The following IRAG2 variants were observed in gnomAD, a reference collection of about 807,000 sequenced individuals.
IRAG2 encodes inositol 1,4,5-triphosphate receptor associated 2.
In IRAG2, 45 loss-of-function variants were observed where a neutral mutation model predicts 69.9. The observed-to-expected ratio is 0.64, with a 90% CI of 0.51 to 0.83. IRAG2 has a LOEUF of 0.83. Ranked by LOEUF, IRAG2 falls within the 40% of genes least tolerant of loss-of-function variation. IRAG2 has a pLI of 0.00. For missense variants in IRAG2, 520 were observed against 587.0 expected (o/e 0.89, Z 1.18); for synonymous variants, 193 against 202.4 (o/e 0.95, Z 0.40).
At chr12:25,087,332 T>A (rs1374162320) in intron 10 of IRAG2, among the ~76,000 whole-genome samples, 1 of 151,822 alleles carries the variant, frequency 6.6e-6, no homozygotes, top group East Asian at 1.9e-4. Flanking sequence ...CACCCCTGGC[T>A]AATTTTTGTA....
intron 6 of IRAG2, among the ~76,000 whole-genome samples, chr12:25,019,594 G>T (rs1261110081): frequency 2.0e-5 from 3 of 152,152 alleles, no homozygotes; most frequent in African/African-American, 7.2e-5. Context: ...CTTCCACACT[G>T]CTCTGCTCCT....
chr12:25,035,307 T>C (rs1591933082), intron 13 of IRAG2, among the ~76,000 whole-genome samples: 1 of 152,330 alleles, frequency 6.6e-6, no homozygotes, highest in Non-Finnish European at 1.5e-5. Flanking sequence ...CAACCTGTTT[T>C]CAGTGGGATT....
intron 5 of IRAG2, among the ~76,000 whole-genome samples, chr12:25,015,806 G>A (rs78735749): frequency 0.011 from 1,602 of 152,336 alleles, 33 homozygotes; most frequent in African/African-American, 0.037. Flanking sequence ...AATGAGAAAA[G>A]CTGTTTTCCA....
Position 25,107,983 on chromosome 12 carries a change from G to C in IRAG2, c.1423G>C (p.Glu475Gln). ...KSVDAAPTQQ[E>Q]DSWTSLEHIL... Reference sequence around the variant, plus strand: ...TGTGGATGCCGCTCCCACACAGCAAGAGGACTCATGGACGTCTCTAGAACA... The same window carrying C: ...TGTGGATGCCGCTCCCACACAGCAACAGGACTCATGGACGTCTCTAGAACA... Residue 475 changes from glutamate (E) to glutamine (Q), a missense_variant, in exon 22 of 22, where the codon GAG becomes CAG. By Grantham distance (29) the Glu-to-Gln change is conservative. Transcript: ENST00000556887. 2 of 1,614,158 alleles carry C rather than the reference G, an allele frequency of 1.2e-6. No homozygotes were observed. The highest frequency in any genetic ancestry group is 1.7e-6 in the Non-Finnish European group (2 of 1,180,018).
At chr12:25,068,924 G>A (rs1393659639) in intron 5 of IRAG2, among the ~76,000 whole-genome samples, 1 of 152,122 alleles carries the variant, frequency 6.6e-6, no homozygotes, top group Non-Finnish European at 1.5e-5. Context: ...TCACACTCAA[G>A]GTTAACAAGC....
Position 25,084,409 on chromosome 12 carries a change from A to G in IRAG2, c.315+916A>G, listed in dbSNP as rs1947433480. Among the ~76,000 whole-genome samples the G allele has an allele frequency of 3.3e-5, 5 of 152,048 alleles. No individual in the cohort carries two copies. In the South Asian group the frequency reaches 1.0e-3, roughly 32 times the overall value. ...TGTCTCAAAAAGAAAAAAAAGAGAG[A>G]GAGAGAGAAGACTCATTTCCACTTC... On this transcript the variant is annotated intron_variant, in intron 10 of 21. Transcript: ENST00000556887.
At chr12:25,042,749 A>G (rs1001259590) in intron 16 of IRAG2, among the ~76,000 whole-genome samples, 3 of 151,220 alleles carry the variant, frequency 2.0e-5, no homozygotes, top group African/African-American at 7.3e-5. Flanking sequence ...ATAGGCATGA[A>G]CCACCGCGCC....
chr12:25,022,398 G>A (rs1944588637), intron 7 of IRAG2, among the ~76,000 whole-genome samples: 1 of 152,150 alleles, frequency 6.6e-6, no homozygotes, highest in Non-Finnish European at 1.5e-5. Context: ...GGAGGCTGAG[G>A]TGGGAGGATT....
exon 7 of IRAG2, chr12:25,020,888 T>C: frequency 1.6e-6 from 2 of 1,231,032 alleles, no homozygotes; most frequent in African/African-American, 1.6e-5. Context: ...AGCATGATTG[T>C]AGCCCAGAGC....
At chr12:25,003,391 G>A (rs1466174355), upstream of IRAG2, among the ~76,000 whole-genome samples, 1 of 152,056 alleles carries the variant, frequency 6.6e-6, no homozygotes, top group Non-Finnish European at 1.5e-5. Context: ...CTGTTGCCCA[G>A]GCTGGAGTAC....
At chr12:24,997,876 G>A in the IRAG2 span, among the ~76,000 whole-genome samples, 1 of 152,208 alleles carries the variant, frequency 6.6e-6, no homozygotes, top group East Asian at 1.9e-4. Context: ...AAGATGGGTA[G>A]CTGAGAGTGA....
intron 7 of IRAG2, among the ~76,000 whole-genome samples, chr12:25,021,227 C>T (rs1944577646): frequency 6.6e-6 from 1 of 151,736 alleles, no homozygotes; most frequent in Middle Eastern, 3.4e-3. Flanking sequence ...ACTTCAGCTT[C>T]CCAAAGTGTT....
chr12:25,101,051 A>T (rs1316023647), intron 15 of IRAG2, 127 bp from the exon 16 acceptor site: 20 of 730,498 alleles, frequency 2.7e-5, no homozygotes, highest in African/African-American at 7.3e-5. Flanking sequence ...TGTCTTTTTA[A>T]AAAAAAAACA....
At position 25,104,167 on chromosome 12, in the gene IRAG2, G is replaced by A. The variant is rs1412401124; in HGVS notation, c.1046+109G>A. On this transcript the variant is annotated intron_variant, in intron 19 of 21. Transcript: ENST00000556887. ...TATAGTAATGTTTGATTTGTACAAAGTGTAAACAGAATAATTATATAAATT... is the reference window on the plus strand; with the variant it reads ...TATAGTAATGTTTGATTTGTACAAAATGTAAACAGAATAATTATATAAATT... The A allele has an allele frequency of 1.3e-5, 13 of 983,296 alleles. No homozygotes were observed. The East Asian group carries it at 2.8e-4, about 21-fold the overall frequency. 60.9% of individuals were successfully genotyped at this position (983,296 alleles called of 1,614,324 possible).
At chr12:25,073,801 G>T (rs1946482937) in intron 6 of IRAG2, among the ~76,000 whole-genome samples, 1 of 152,188 alleles carries the variant, frequency 6.6e-6, no homozygotes, top group African/African-American at 2.4e-5. Flanking sequence ...GATTCATTCT[G>T]AAATATTTAC....
intron 3 of IRAG2, among the ~76,000 whole-genome samples, chr12:25,013,864 T>C (rs576522490): frequency 7.7e-6 from 1 of 129,466 alleles, no homozygotes; most frequent in African/African-American, 2.7e-5. Context: ...TGTTTTCTTT[T>C]TCTTTTTTTT....
chr12:25,104,506 G>T (rs757567674), intron 20 of IRAG2, 44 bp downstream of exon 20: 2 of 1,053,798 alleles, frequency 1.9e-6, no homozygotes, highest in Admixed American at 1.7e-5. Flanking sequence ...ATGAACTGGG[G>T]CATAAACAAT....
In IRAG2 at chr12:25,052,790, C is replaced by A; in HGVS notation, c.-613C>A. ...ACAATCCAGCACTAACTATCCATGTCCAGGGTAAGGATCGAGATCGAGAAG... is the reference window on the plus strand; with the variant it reads ...ACAATCCAGCACTAACTATCCATGTACAGGGTAAGGATCGAGATCGAGAAG... On this transcript the variant is annotated 5_prime_UTR_variant, in exon 1 of 22. Transcript: ENST00000556887. The A allele has an allele frequency of 2.5e-6, 1 of 398,570 alleles. No homozygotes were observed. Among genetic ancestry groups the A allele is most frequent in the South Asian group, 1.3e-4 (1 of 7,860 alleles). The allele number at this position is 398,570 out of a possible 1,614,324, so 24.7% of individuals were successfully genotyped here.
At chr12:25,060,232 G>A (rs1039866869) in intron 1 of IRAG2, among the ~76,000 whole-genome samples, 4 of 152,112 alleles carry the variant, frequency 2.6e-5, no homozygotes, top group African/African-American at 7.2e-5. Context: ...ATAAATATCA[G>A]TATCTATTCT....
Sources: gnomAD v4.1 joint callset for allele counts (sites outside exome capture counted in the v4.1 genomes callset) on GRCh38, gnomAD v4.1.1 for gene constraint, MANE v1.5 for transcripts, NCBI Gene and HGNC (gene_info 2026-07-23, HGNC 2026-07-21) for gene names.